Variants in PDE1A observed in about 807,000 individuals in gnomAD.
The protein encoded by PDE1A is dual specificity calcium/calmodulin-dependent 3',5'-cyclic nucleotide phosphodiesterase 1A.
PDE1A carries 35 observed loss-of-function variants against 61.7 expected under a neutral mutation model. The observed-to-expected ratio is 0.57, with a 90% CI of 0.43 to 0.75. PDE1A has a LOEUF of 0.75. PDE1A is among the 30% of genes least tolerant of loss of function. The probability of loss-of-function intolerance (pLI) is 0.00; values close to 1 mark genes in which losing one functional copy is unlikely to be tolerated. For missense variants in PDE1A, 597 were observed against 630.6 expected, an observed-to-expected ratio of 0.95 and a Z score of 0.57; for synonymous variants, 232 against 213.2, an observed-to-expected ratio of 1.09 and a Z score of -0.77.
chr2:182,573,115 A>T, the PDE1A span, among the ~76,000 whole-genome samples: 1 of 152,116 alleles, frequency 6.6e-6, no homozygotes, highest in African/African-American at 2.4e-5. Context: ...TCTGCCTCGC[A>T]CGTTATTCTA....
intron 1 of PDE1A, among the ~76,000 whole-genome samples, chr2:182,419,069 A>G (rs1333851017): frequency 7.1e-6 from 1 of 140,564 alleles, no homozygotes; most frequent in Admixed American, 6.8e-5. Context: ...CCACTAAAAG[A>G]GAAAAAAAAA....
the PDE1A span, among the ~76,000 whole-genome samples, chr2:182,708,588 G>A: frequency 6.6e-6 from 1 of 152,018 alleles, no homozygotes; most frequent in African/African-American, 2.4e-5. Flanking sequence ...ACCTTCTTCA[G>A]AAGCCCATCA....
chr2:182,648,536 T>TAAAAAAAAAAAAAAAAAAAAA, the PDE1A span, among the ~76,000 whole-genome samples: 33 of 92,198 alleles, frequency 3.6e-4, no homozygotes, highest in African/African-American at 4.7e-4. Flanking sequence ...AAAAAAAAAT[T>TAAAAAAAAAAAAAAAAAAAAA]AAAAAAATTA....
chr2:182,370,698 A>G (rs1700083212), intron 1 of PDE1A, among the ~76,000 whole-genome samples: 2 of 152,164 alleles, frequency 1.3e-5, no homozygotes, highest in Admixed American at 1.3e-4. Context: ...ACAAACTGGG[A>G]GGAAGAGATT....
intron 1 of PDE1A, among the ~76,000 whole-genome samples, chr2:182,331,082 T>C (rs1292554541): frequency 1.3e-5 from 2 of 152,156 alleles, no homozygotes; most frequent in Non-Finnish European, 2.9e-5. Flanking sequence ...AGCATATCTA[T>C]TTATTTTGTA....
chr2:182,583,036 A>T, the PDE1A span, among the ~76,000 whole-genome samples: 1 of 152,146 alleles, frequency 6.6e-6, no homozygotes, highest in Non-Finnish European at 1.5e-5. Flanking sequence ...TGATGGTGGG[A>T]GTGATTAGAA....
At chr2:182,481,163 T>C (rs922396477) in intron 2 of PDE1A, among the ~76,000 whole-genome samples, 2 of 151,952 alleles carry the variant, frequency 1.3e-5, no homozygotes, top group Non-Finnish European at 2.9e-5. Flanking sequence ...CGAAAAGTTT[T>C]GAAACAAGAC....
upstream of PDE1A, among the ~76,000 whole-genome samples, chr2:182,525,746 C>T (rs1436486014): frequency 6.6e-6 from 1 of 152,092 alleles, no homozygotes; most frequent in Non-Finnish European, 1.5e-5. Flanking sequence ...GTAAGAATGA[C>T]TAATACATTG....
At chr2:182,701,449 C>T in the PDE1A span, among the ~76,000 whole-genome samples, 1 of 138,626 alleles carries the variant, frequency 7.2e-6, no homozygotes, top group African/African-American at 2.5e-5. Context: ...GGTGCCATCT[C>T]AGCTCAATGC....
At chr2:182,373,934 G>T (rs1311183771) in intron 1 of PDE1A, among the ~76,000 whole-genome samples, 1 of 151,994 alleles carries the variant, frequency 6.6e-6, no homozygotes, top group Non-Finnish European at 1.5e-5. Context: ...GTTGTAAAGG[G>T]ACTAAAAAGA....
In PDE1A at chr2:182,302,392, C is replaced by T. The variant is rs1215055439; in HGVS notation, c.54-37978G>A. Reference sequence around the variant, plus strand: ...GAGTCACACAAATTTTTTTGTTTCCCAGTACATATAAAAGTTATGTTTGTA... The same window carrying T: ...GAGTCACACAAATTTTTTTGTTTCCTAGTACATATAAAAGTTATGTTTGTA... On this transcript the variant is annotated intron_variant, in intron 1 of 13. Coordinates refer to ENST00000351439, the Ensembl canonical transcript of PDE1A. Among the ~76,000 whole-genome samples the T allele has an allele frequency of 3.9e-5, 6 of 152,290 alleles. No individual in the cohort carries two copies. The South Asian group carries it at 1.2e-3, about 32-fold the overall frequency.
At chr2:182,293,036 T>G (rs1032925170) in intron 1 of PDE1A, among the ~76,000 whole-genome samples, 3 of 152,092 alleles carry the variant, frequency 2.0e-5, no homozygotes, top group Non-Finnish European at 2.9e-5. Context: ...GAGTGTACAG[T>G]TCAATGAATT....
intron 2 of PDE1A, among the ~76,000 whole-genome samples, chr2:182,432,319 T>C (rs530761917): frequency 6.6e-6 from 1 of 152,288 alleles, no homozygotes; most frequent in South Asian, 2.1e-4. Flanking sequence ...AGGTCATGCA[T>C]ACCACCAGAA....
intron 2 of PDE1A, among the ~76,000 whole-genome samples, chr2:182,509,481 A>T (rs1388113347): frequency 6.6e-6 from 1 of 152,196 alleles, no homozygotes; most frequent in Non-Finnish European, 1.5e-5. Flanking sequence ...TTTTATACTG[A>T]GCCTTGCGTA....
Position 182,193,420 on chromosome 2 carries a change from C to A in PDE1A, c.1126-4360G>T, listed in dbSNP as rs1685880335. Reference sequence around the variant, plus strand: ...TAACAAATATGCAGGAATCCCCTGACCACAGGGACAGGGGCTTAGGAGACA... The same window carrying A: ...TAACAAATATGCAGGAATCCCCTGAACACAGGGACAGGGGCTTAGGAGACA... On this transcript the variant is annotated intron_variant, in intron 10 of 13. Transcript: ENST00000351439. Among the ~76,000 whole-genome samples the A allele has an allele frequency of 2.0e-5, 3 of 152,174 alleles. 1 individual carries two copies. The highest frequency in any genetic ancestry group is 7.2e-5 in the African/African-American group (3 of 41,520).
chr2:182,477,313 A>G (rs1363896788), intron 2 of PDE1A, among the ~76,000 whole-genome samples: 1 of 151,968 alleles, frequency 6.6e-6, no homozygotes, highest in Non-Finnish European at 1.5e-5. Context: ...CATTAAGTCA[A>G]CTAGTATTTA....
At chr2:182,442,096 T>A (rs1309112392) in intron 2 of PDE1A, among the ~76,000 whole-genome samples, 2 of 152,044 alleles carry the variant, frequency 1.3e-5, no homozygotes, top group African/African-American at 2.4e-5. Context: ...TCTAATTAAT[T>A]CAAAAATTAA....
chr2:182,171,087 T>C (rs1371391711), intron 13 of PDE1A, among the ~76,000 whole-genome samples: 1 of 152,016 alleles, frequency 6.6e-6, no homozygotes, highest in Non-Finnish European at 1.5e-5. Context: ...ATTTTTTTGT[T>C]TCCTACTGAG....
intron 7 of PDE1A, among the ~76,000 whole-genome samples, chr2:182,206,847 C>T (rs1449884811): frequency 6.6e-6 from 1 of 152,124 alleles, no homozygotes; most frequent in Admixed American, 6.5e-5. Context: ...CTTTCTTCTT[C>T]GCACTCTCTC....
Sources: gnomAD v4.1 joint callset for allele counts (sites outside exome capture counted in the v4.1 genomes callset) on GRCh38, gnomAD v4.1.1 for gene constraint, MANE v1.5 for transcripts, NCBI Gene and HGNC (gene_info 2026-07-23, HGNC 2026-07-21) for gene names.